The following LILRB2 variants were observed in gnomAD, a reference collection of about 807,000 sequenced individuals.
LILRB2 encodes the protein leukocyte immunoglobulin-like receptor subfamily B member 2.
In LILRB2, 47 loss-of-function variants were observed where a neutral mutation model predicts 72.7. The ratio of observed to expected loss-of-function variants is 0.65; its 90% CI spans 0.51 to 0.82. The LOEUF is 0.82. Ranked by LOEUF, LILRB2 falls within the 40% of genes least tolerant of loss-of-function variation. LILRB2 has a pLI of 0.00. For synonymous variants in LILRB2, 279 were observed against 313.7 expected (o/e 0.89, Z 1.17); for missense variants, 767 against 764.8 (o/e 1.00, Z -0.03).
rs1029869155 is a variant in LILRB2 at position 54,276,369 on chromosome 19, G to A, written c.1556+12C>T. The A allele has an allele frequency of 8.7e-6, 14 of 1,607,864 alleles. No homozygotes were observed. Among genetic ancestry groups the A allele is most frequent in the South Asian group, 5.5e-5 (5 of 90,954 alleles). Reference sequence around the variant, plus strand: ...GAGCAGGTGGGAGTCTGGGGTCTTCGGGCAGAATTACCTCCACTGCAGGCC... The same window carrying A: ...GAGCAGGTGGGAGTCTGGGGTCTTCAGGCAGAATTACCTCCACTGCAGGCC... On this transcript the variant is annotated intron_variant, in intron 11 of 13. Coordinates refer to ENST00000314446, the MANE Select transcript of LILRB2 (RefSeq NM_001080978.4).
At chr19:54,275,832 A>T in intron 13 of LILRB2, 119 bp downstream of exon 13, 4 of 1,334,272 alleles carry the variant, frequency 3.0e-6, no homozygotes, top group Non-Finnish European at 3.2e-6. Flanking sequence ...AGCGTGCTGG[A>T]CAAGGAGGGG....
chr19:54,274,612 G>A lies in LILRB2; in HGVS notation c.*71C>T. On this transcript the variant is annotated 3_prime_UTR_variant, in exon 14 of 14. Coordinates refer to ENST00000314446, the MANE Select transcript of LILRB2 (RefSeq NM_001080978.4). ...GACTGGGGTTCATTGGTGTCCACTG[G>A]GGGCAGCTCCCGTGCCTTCAGCAGT... The A allele has an allele frequency of 6.2e-7, 1 of 1,609,560 alleles. No homozygotes were observed. The highest frequency in any genetic ancestry group is 8.5e-7 in the Non-Finnish European group (1 of 1,176,896).
At position 54,279,925 on chromosome 19, in the gene LILRB2, C is replaced by A. The variant is rs202197782; in HGVS notation, c.221G>T (p.Arg74Leu). The change falls in exon 4 of 14, where the codon CGA becomes CTA. Residue 74 changes from arginine (R) to leucine (L), a missense_variant. Physicochemically the swap from Arg to Leu is moderately radical, Grantham distance 102 (BLOSUM62 -2). Transcript: ENST00000314446. Reference sequence around the variant, plus strand: ...CTGGCCGTTCTTCACAAGCTCTGGTCGTATCCGTGTAATCCAAGATGCTGA... The same window carrying A: ...CTGGCCGTTCTTCACAAGCTCTGGTAGTATCCGTGTAATCCAAGATGCTGA... ...KKSASWITRI[R>L]PELVKNGQFH... 5.6e-6 allele frequency: 9 copies of A among 1,614,006 alleles called. No homozygotes were observed. Among genetic ancestry groups the A allele is most frequent in the Non-Finnish European group, 7.6e-6 (9 of 1,180,022 alleles).
At chr19:54,275,231 G>C (rs2080166844) in intron 13 of LILRB2, 4 of 961,366 alleles carry the variant, frequency 4.2e-6, no homozygotes, top group Non-Finnish European at 6.1e-6. Flanking sequence ...TGTGGTTCTG[G>C]CCTCTGCTCC....
At position 54,274,909 on chromosome 19, in the gene LILRB2, T is replaced by G. The variant is rs1176784612; in HGVS notation, c.1648-80A>C. The G allele has an allele frequency of 3.2e-5, 52 of 1,608,674 alleles. No individual in the cohort carries two copies. The East Asian group carries it at 1.1e-3, about 35-fold the overall frequency. On this transcript the variant is annotated intron_variant, in intron 13 of 13. Coordinates refer to ENST00000314446, the MANE Select transcript of LILRB2 (RefSeq NM_001080978.4). Reference sequence around the variant, plus strand: ...GGGGCCTGGAGAGGAAAGGACTCTCTCAGTGTCCATCTGTCTGTCCTCTTC... The same window carrying G: ...GGGGCCTGGAGAGGAAAGGACTCTCGCAGTGTCCATCTGTCTGTCCTCTTC...
intron 13 of LILRB2, chr19:54,275,368 C>T: frequency 3.9e-6 from 2 of 517,110 alleles, no homozygotes; most frequent in South Asian, 2.0e-5. Flanking sequence ...GGATCGTGTG[C>T]CCCACTCTGT....
chr19:54,277,373 G>A (rs1447152326), intron 9 of LILRB2, 177 bp downstream of exon 9: 10 of 1,225,796 alleles, frequency 8.2e-6, no homozygotes, highest in East Asian at 2.6e-5. Context: ...GGGAGTGAGA[G>A]CTGAAAGGAA....
chr19:54,277,389 C>T, intron 9 of LILRB2, 161 bp downstream of exon 9: 2 of 1,275,492 alleles, frequency 1.6e-6, no homozygotes, highest in Non-Finnish European at 2.2e-6. Flanking sequence ...AGGAACTTTC[C>T]CACCTGCAGG....
At position 54,280,550 on chromosome 19, in the gene LILRB2, G is replaced by C; in HGVS notation, c.-48-6C>G. 6.2e-7 allele frequency: 1 copy of C among 1,603,096 alleles called. No individual in the cohort carries two copies. Among genetic ancestry groups the C allele is most frequent in the East Asian group, 2.2e-5 (1 of 44,848 alleles). ...GGATGGATGAGCCCTCGGTGCTGGC[G>C]GGACAGAGACACACAGAGAGAAATA... On this transcript the variant is annotated splice_region_variant and splice_polypyrimidine_tract_variant and intron_variant, in intron 1 of 13. Coordinates refer to ENST00000314446, the MANE Select transcript of LILRB2 (RefSeq NM_001080978.4).
rs1044230982 is a variant in LILRB2, at chr19:54,274,493, A to C, written c.*190T>G. The C allele has an allele frequency of 9.2e-5, 101 of 1,094,290 alleles. No homozygotes were observed. Among genetic ancestry groups the C allele is most frequent in the Middle Eastern group, 2.9e-4 (1 of 3,402 alleles). The allele number at this position is 1,094,290 out of a possible 1,614,324, so 67.8% of individuals were successfully genotyped here. A position where few individuals can be genotyped will look rare whatever the true frequency, so the allele number is the denominator to read the frequency against. ...ATTGAGAAGTCTGTTGCTTTAATTA[A>C]AAAATGTAGGGATATTAGTTATTTC... On this transcript the variant is annotated 3_prime_UTR_variant, in exon 14 of 14. Transcript: ENST00000314446.
intron 9 of LILRB2, 195 bp downstream of exon 9, chr19:54,277,355 T>G (rs1021608893): frequency 1.7e-6 from 2 of 1,189,836 alleles, no homozygotes; most frequent in African/African-American, 3.1e-5. Context: ...TCCCAGGAGG[T>G]CACAGCTGGG....
chr19:54,278,104 G>T, intron 7 of LILRB2, 156 bp downstream of exon 7: 1 of 1,184,682 alleles, frequency 8.4e-7, no homozygotes, highest in African/African-American at 1.5e-5. Context: ...GCAGGCCTGG[G>T]AGGGCCTGTT....
At position 54,274,731 on chromosome 19, in the gene LILRB2, C is replaced by T. The variant is rs2080138779; in HGVS notation, c.1746G>A (p.Arg582=). Residue 582 remains arginine, a synonymous_variant, in exon 14 of 14, where the codon AGG becomes AGA. Coordinates refer to ENST00000314446, the MANE Select transcript of LILRB2 (RefSeq NM_001080978.4). The part of the protein sequence containing the change: ...KATEPPPSQE[R]EPPAEPSIYA... ...AGATGCTGGGCTCAGCTGGAGGTTC[C>T]CTTTCCTGGGATGGAGGAGGCTCAG... is the stretch of plus-strand genomic sequence containing the variant. 1 of 1,613,766 alleles carries T rather than the reference C, an allele frequency of 6.2e-7. No homozygotes were observed. Among genetic ancestry groups the T allele is most frequent in the Admixed American group, 1.7e-5 (1 of 59,982 alleles).
At chr19:54,280,823 G>A in intron 1 of LILRB2, 138 bp downstream of exon 1, 1 of 695,098 alleles carries the variant, frequency 1.4e-6, no homozygotes, top group South Asian at 1.6e-5. Context: ...GGATGTAGCA[G>A]CAAATAGAAC....
In LILRB2 at chr19:54,280,061, G is replaced by C; in HGVS notation, c.85C>G (p.Pro29Ala). The C allele has an allele frequency of 6.2e-7, 1 of 1,613,994 alleles. No individual in the cohort carries two copies. ...TRVQTGTIPKPTLWAEPDSVI... is the reference protein window; with the variant it reads ...TRVQTGTIPKATLWAEPDSVI... ...GAGTCTGGCTCAGCCCACAGGGTGGGCTTGGGGATGGTCCCTGGAAGGAAA... is the reference window on the plus strand; with the variant it reads ...GAGTCTGGCTCAGCCCACAGGGTGGCCTTGGGGATGGTCCCTGGAAGGAAA... The change falls in exon 4 of 14, where the codon CCC becomes GCC. Residue 29 changes from proline (P) to alanine (A), a missense_variant. Pro to Ala is a conservative substitution (Grantham distance 27, BLOSUM62 -1). Around this residue, in one of 3 missense-constraint regions of LILRB2, gnomAD observed 599 missense variants for 568.2 expected, o/e 1.05. Transcript: ENST00000314446.
chr19:54,275,088 G>T, intron 13 of LILRB2: 1 of 1,601,694 alleles, frequency 6.2e-7, no homozygotes, highest in Non-Finnish European at 8.5e-7. Context: ...CAGTGGTGGG[G>T]GGTGTCCTTG....
At chr19:54,280,860 G>A in intron 1 of LILRB2, 101 bp downstream of exon 1, 1 of 466,084 alleles carries the variant, frequency 2.1e-6, no homozygotes, top group South Asian at 1.8e-5. Flanking sequence ...TGCCCTTCCT[G>A]ATGAGGGTAG....
chr19:54,277,508 C>T, intron 9 of LILRB2, 42 bp downstream of exon 9: 1 of 1,553,384 alleles, frequency 6.4e-7, no homozygotes, highest in African/African-American at 1.4e-5. Context: ...CCCCTGCCTC[C>T]CCGGGACCCC....
intron 13 of LILRB2, chr19:54,275,063 T>C: frequency 6.2e-7 from 1 of 1,607,208 alleles, no homozygotes; most frequent in Non-Finnish European, 8.5e-7. Flanking sequence ...TCATGTGGGC[T>C]CTGCTGGAGA....
Sources: gnomAD v4.1 joint callset for allele counts on GRCh38, gnomAD v4.1.1 for gene constraint, gnomAD v4.1.1 regional missense constraint, MANE v1.5 for transcripts, NCBI Gene and HGNC (gene_info 2026-07-23, HGNC 2026-07-21) for gene names.